Variants in CELF1 observed in about 807,000 individuals in gnomAD.
CELF1 encodes CUGBP Elav-like family member 1.
Under a neutral mutation model 61.8 loss-of-function variants are expected in CELF1, and 10 were observed. That is an observed-to-expected ratio of 0.16 (90% confidence interval 0.10 to 0.27). The LOEUF is 0.27. Among genes scored for constraint, CELF1 ranks in the 10% least tolerant of loss-of-function variants. The pLI, the probability that CELF1 is intolerant of heterozygous loss-of-function variation, is 1.00. For missense variants in CELF1, 380 were observed against 639.1 expected (o/e 0.59, Z 4.37); for synonymous variants, 236 against 225.1 (o/e 1.05, Z -0.43).
intron 1 of CELF1, among the ~76,000 whole-genome samples, chr11:47,537,292 G>A (rs957167569): frequency 4.7e-5 from 7 of 148,780 alleles, no homozygotes; most frequent in Non-Finnish European, 8.9e-5. Flanking sequence ...CTGTCGCCCA[G>A]GCTAGAGTGC....
intron 2 of CELF1, among the ~76,000 whole-genome samples, chr11:47,500,208 T>TC (rs2093724302): frequency 6.6e-6 from 1 of 152,130 alleles, no homozygotes; most frequent in Admixed American, 6.5e-5. Context: ...TTTTTTTTTT[T>TC]CTTGATATTT....
chr11:47,539,558 G>A (rs2096722500), intron 1 of CELF1, among the ~76,000 whole-genome samples: 1 of 152,176 alleles, frequency 6.6e-6, no homozygotes. Flanking sequence ...CTCTTCCAAA[G>A]AGCCATGATC....
chr11:47,539,264 C>T (rs1240492251), intron 1 of CELF1, among the ~76,000 whole-genome samples: 1 of 152,114 alleles, frequency 6.6e-6, no homozygotes, highest in Non-Finnish European at 1.5e-5. Context: ...TCTGGCAAAG[C>T]ATTCTAAACA....
At chr11:47,534,689 C>T (rs1321738776) in intron 1 of CELF1, among the ~76,000 whole-genome samples, 1 of 152,130 alleles carries the variant, frequency 6.6e-6, no homozygotes, top group Non-Finnish European at 1.5e-5. Context: ...GATCGCACCA[C>T]TGCACTCCAG....
intron 1 of CELF1, among the ~76,000 whole-genome samples, chr11:47,503,058 T>C (rs1192442737): frequency 6.6e-6 from 1 of 152,226 alleles, no homozygotes; most frequent in Non-Finnish European, 1.5e-5. Flanking sequence ...GAATATTCTC[T>C]ACTTTTTAAA....
Position 47,482,758 on chromosome 11 carries a change from G to C in CELF1, c.705C>G (p.Ile235Met), listed in dbSNP as rs1453292293. 1.9e-6 allele frequency: 3 copies of C among 1,613,946 alleles called. No homozygotes were observed. In the East Asian group the frequency reaches 6.7e-5, roughly 36 times the overall value. ...AQQLQQQMQQ[I>M]SAASVWGNLA... The stretch of plus-strand genomic sequence containing the variant: ...GGTTTCCCCACACAGATGCTGCGCT[G>C]ATTTGCTGCATCTGCTGCTGGAGCT... Residue 235 changes from isoleucine to methionine, a missense_variant, in exon 9 of 15, where the codon ATC becomes ATG. Physicochemically the swap from Ile to Met is conservative, Grantham distance 10 (BLOSUM62 1). Transcript: ENST00000687097.
rs753260180 is a variant in CELF1, at chr11:47,472,331, A to C, written c.1444T>G (p.Ser482Ala). Residue 482 changes from serine (S) to alanine (A), a missense_variant, in exon 15 of 15, where the codon TCG becomes GCG. By Grantham distance (99) the Ser-to-Ala change is moderately conservative. Coordinates refer to ENST00000687097, the MANE Select transcript of CELF1 (RefSeq NM_001376376.1). ...ATGGACTGGATGGCAGCTTGGGCCG[A>C]AACAGGATTGTCGTAACTTACAAAA... ...FGFVSYDNPV[S>A]AQAAIQSMNG... The C allele has an allele frequency of 1.9e-6, 3 of 1,614,190 alleles. No individual in the cohort carries two copies. The highest frequency in any genetic ancestry group is 4.5e-5 in the East Asian group (2 of 44,880).
chr11:47,506,545 G>C (rs975516164), intron 1 of CELF1, among the ~76,000 whole-genome samples: 2 of 152,268 alleles, frequency 1.3e-5, no homozygotes, highest in Non-Finnish European at 2.9e-5. Flanking sequence ...GACAAGTCTG[G>C]TGTAGAGTAT....
intron 3 of CELF1, among the ~76,000 whole-genome samples, chr11:47,493,322 G>A (rs1277184520): frequency 2.3e-5 from 3 of 132,696 alleles, no homozygotes; most frequent in Non-Finnish European, 3.1e-5. Flanking sequence ...ACAACACGGT[G>A]AAACCCCGTC....
rs201777133 is a variant in CELF1 at position 47,517,261 on chromosome 11, A to G, written c.-153-16329T>C. Among the ~76,000 whole-genome samples, 139 of 76,840 alleles carry G rather than the reference A, an allele frequency of 1.8e-3. 1 individual carries two copies. In the East Asian group the frequency reaches 0.11, roughly 60 times the overall value. The allele number at this position is 76,840 out of a possible 152,430, so 50.4% of individuals were successfully genotyped here. A position where few individuals can be genotyped will look rare whatever the true frequency, so the allele number is the denominator to read the frequency against. ...AGCCTGTCTAAAAAAACAAACAGAG[A>G]AAAAAAAAAAAAAAAAAAGACATGC... On this transcript the variant is annotated intron_variant, in intron 1 of 14. Coordinates refer to ENST00000687097, the MANE Select transcript of CELF1 (RefSeq NM_001376376.1).
At chr11:47,515,281 G>A (rs761427966) in intron 1 of CELF1, among the ~76,000 whole-genome samples, 38 of 152,230 alleles carry the variant, frequency 2.5e-4, no homozygotes, top group Non-Finnish European at 5.3e-4. Flanking sequence ...GGTGGAGGGA[G>A]TGGGAGCTCT....
At chr11:47,556,541 T>G (rs1460666660), upstream of CELF1, among the ~76,000 whole-genome samples, 1 of 152,180 alleles carries the variant, frequency 6.6e-6, no homozygotes, top group Non-Finnish European at 1.5e-5. Flanking sequence ...TAAATTATGG[T>G]TCATTCATAG....
chr11:47,539,218 A>T (rs183857504), intron 1 of CELF1, among the ~76,000 whole-genome samples: 6 of 152,234 alleles, frequency 3.9e-5, no homozygotes, highest in South Asian at 2.1e-4. Context: ...AAATAATTAT[A>T]AAAAACTTGT....
chr11:47,538,677 C>G (rs1005309282), intron 1 of CELF1, among the ~76,000 whole-genome samples: 1 of 149,152 alleles, frequency 6.7e-6, no homozygotes, highest in Non-Finnish European at 1.5e-5. Flanking sequence ...CATTTCAAAA[C>G]TAGCTTGTCT....
At chr11:47,481,102 C>CTTCTTTTTT (rs2082922736) in intron 9 of CELF1, among the ~76,000 whole-genome samples, 2 of 71,420 alleles carry the variant, frequency 2.8e-5, no homozygotes, top group South Asian at 6.0e-4. Flanking sequence ...TTTTCTTCTT[C>CTTCTTTTTT]TTTTTTTTTT....
In CELF1 at chr11:47,470,572, T is replaced by C. The variant is rs1332397947; in HGVS notation, c.*1658A>G. The C allele has an allele frequency of 6.6e-6, 1 of 152,222 alleles. No individual in the cohort carries two copies. Among genetic ancestry groups the C allele is most frequent in the Non-Finnish European group, 1.5e-5 (1 of 68,040 alleles). 9.4% of individuals were successfully genotyped at this position (152,222 alleles called of 1,614,324 possible). A position where few individuals can be genotyped will look rare whatever the true frequency, so the allele number is the denominator to read the frequency against. On this transcript the variant is annotated 3_prime_UTR_variant, in exon 15 of 15. Transcript: ENST00000687097. ...ACCAGCTACCTGTACAACAGTAAGA[T>C]GGTCAATCCCTGTCTGTTACCCACA...
intron 3 of CELF1, chr11:47,494,491 G>A (rs1013952957): frequency 4.1e-6 from 4 of 982,606 alleles, no homozygotes; most frequent in Non-Finnish European, 4.8e-6. Flanking sequence ...ACACACGAGG[G>A]AACAAAAAAG....
chr11:47,491,326 C>T (rs1317423282), intron 3 of CELF1, among the ~76,000 whole-genome samples: 1 of 151,986 alleles, frequency 6.6e-6, no homozygotes, highest in Non-Finnish European at 1.5e-5. Context: ...CCATGCCTGG[C>T]TAATTTTTGT....
At position 47,480,275 on chromosome 11, in the gene CELF1, C is replaced by T. The variant is rs556470066; in HGVS notation, c.769-1323G>A. Among the ~76,000 whole-genome samples, 19 of 152,156 alleles carry T rather than the reference C, an allele frequency of 1.2e-4. No individual in the cohort carries two copies. The South Asian group carries it at 2.7e-3, about 22-fold the overall frequency. On this transcript the variant is annotated intron_variant, in intron 9 of 14. Coordinates refer to ENST00000687097, the MANE Select transcript of CELF1 (RefSeq NM_001376376.1). ...CTAATTTTTGTATTTTTAGTAGAGA[C>T]GGGGTTTCACCATGTTGGTCAGGCT... is the stretch of plus-strand genomic sequence containing the variant.
Sources: allele counts gnomAD v4.1 joint callset (sites outside exome capture counted in the v4.1 genomes callset), GRCh38; gene constraint gnomAD v4.1.1; transcripts MANE v1.5; gene names NCBI Gene and HGNC (gene_info 2026-07-23, HGNC 2026-07-21).